The following ARHGAP26 variants were observed in gnomAD, a reference collection of about 807,000 sequenced individuals.
ARHGAP26 encodes Rho GTPase activating protein 26.
A neutral mutation model predicts 104.8 loss-of-function variants in ARHGAP26; 38 were observed. The observed-to-expected ratio is 0.36, with a 90% CI of 0.28 to 0.48. The LOEUF (loss-of-function observed/expected upper bound fraction) is 0.48, where lower values mean the gene tolerates loss of function less well. ARHGAP26 is among the 20% of genes least tolerant of loss of function. The pLI is 0.99. For synonymous variants in ARHGAP26, 341 were observed against 340.0 expected (o/e 1.00, Z -0.03); for missense variants, 704 against 947.9 (o/e 0.74, Z 3.38).
At chr5:142,870,012 G>C (rs1386303634) in intron 1 of ARHGAP26, among the ~76,000 whole-genome samples, 3 of 152,136 alleles carry the variant, frequency 2.0e-5, no homozygotes, top group Non-Finnish European at 2.9e-5. Flanking sequence ...CCAGATGCCG[G>C]CAGTTATGAC....
At chr5:142,980,663 A>G (rs1773815895) in intron 11 of ARHGAP26, among the ~76,000 whole-genome samples, 1 of 152,114 alleles carries the variant, frequency 6.6e-6, no homozygotes, top group African/African-American at 2.4e-5. Context: ...TGCTGGGATT[A>G]CAGGTGTGAG....
At chr5:142,811,444 G>A (rs1462989737) in intron 1 of ARHGAP26, among the ~76,000 whole-genome samples, 1 of 152,138 alleles carries the variant, frequency 6.6e-6, no homozygotes. Context: ...GGCTCTGGAC[G>A]CCGACAGCAT....
intron 10 of ARHGAP26, among the ~76,000 whole-genome samples, chr5:142,917,318 C>T (rs1008448880): frequency 5.3e-5 from 8 of 152,122 alleles, no homozygotes; most frequent in Admixed American, 3.9e-4. Context: ...GGATTACAGG[C>T]GTGAGCCACC....
intron 10 of ARHGAP26, among the ~76,000 whole-genome samples, chr5:142,926,999 C>A (rs1764004783): frequency 6.6e-6 from 1 of 152,120 alleles, no homozygotes; most frequent in South Asian, 2.1e-4. Context: ...AGTAATTGAA[C>A]TGCTCTATGC....
At chr5:143,108,206 T>A (rs1794282058) in intron 17 of ARHGAP26, among the ~76,000 whole-genome samples, 1 of 152,242 alleles carries the variant, frequency 6.6e-6, no homozygotes, top group Admixed American at 6.5e-5. Context: ...AGATTGTTTC[T>A]AACTTTTATG....
At chr5:142,995,536 A>T (rs962006846) in intron 11 of ARHGAP26, among the ~76,000 whole-genome samples, 1 of 152,234 alleles carries the variant, frequency 6.6e-6, no homozygotes, top group Non-Finnish European at 1.5e-5. Flanking sequence ...GGATGTGGAG[A>T]AATAGGAACG....
chr5:142,917,862 C>CT (rs918880977), intron 10 of ARHGAP26, among the ~76,000 whole-genome samples: 49 of 146,532 alleles, frequency 3.3e-4, no homozygotes, highest in South Asian at 8.6e-4. Context: ...AGGTGACACT[C>CT]TTTTTTTTTT....
chr5:142,915,125 G>C (rs1762307844), intron 10 of ARHGAP26, among the ~76,000 whole-genome samples: 1 of 152,080 alleles, frequency 6.6e-6, no homozygotes, highest in African/African-American at 2.4e-5. Context: ...GCTCACTGTG[G>C]CACCTCCATC....
chr5:142,808,702 G>A (rs1419716001), intron 1 of ARHGAP26, among the ~76,000 whole-genome samples: 3 of 152,098 alleles, frequency 2.0e-5, no homozygotes, highest in Non-Finnish European at 4.4e-5. Flanking sequence ...CCAGCTGGTG[G>A]TCGAGCTGCC....
In ARHGAP26 at chr5:142,863,117, T is replaced by C. The variant is rs189138982; in HGVS notation, c.155-10283T>C. 3.6e-3 allele frequency among the ~76,000 whole-genome samples: 543 copies of C among 151,952 alleles called. 2 individuals carry two copies. The highest frequency in any genetic ancestry group is 3.4e-3 in the Middle Eastern group (1 of 294). On this transcript the variant is annotated intron_variant, in intron 1 of 22. Transcript: ENST00000645722. Reference sequence around the variant, plus strand: ...GGTTTTCAAGTGAGGTTTTTTTTTTTTTTTTCTTTTTGAGAAGGAGTCTTG... The same window carrying C: ...GGTTTTCAAGTGAGGTTTTTTTTTTCTTTTTCTTTTTGAGAAGGAGTCTTG...
intron 17 of ARHGAP26, among the ~76,000 whole-genome samples, chr5:143,099,953 T>C (rs1170130552): frequency 6.6e-6 from 1 of 152,176 alleles, no homozygotes; most frequent in Non-Finnish European, 1.5e-5. Flanking sequence ...AAAACATAGC[T>C]GATGCAATAA....
chr5:143,103,839 T>G (rs1793613423), intron 17 of ARHGAP26, among the ~76,000 whole-genome samples: 1 of 152,100 alleles, frequency 6.6e-6, no homozygotes, highest in South Asian at 2.1e-4. Flanking sequence ...AAATACCTAA[T>G]GTAGATGACG....
intron 12 of ARHGAP26, among the ~76,000 whole-genome samples, chr5:143,023,930 C>G (rs543495998): frequency 6.6e-6 from 1 of 152,188 alleles, no homozygotes; most frequent in Non-Finnish European, 1.5e-5. Flanking sequence ...ATGCAGTTTC[C>G]GTGGCCACCA....
At position 142,873,381 on chromosome 5, in the gene ARHGAP26, C is replaced by T. The variant is rs989730276; in HGVS notation, c.155-19C>T. Reference sequence around the variant, plus strand: ...TTAATTTTAGTAATTCCTGATTTTTCCTGTCTTTTTCTTGCTAGATTTGTC... The same window carrying T: ...TTAATTTTAGTAATTCCTGATTTTTTCTGTCTTTTTCTTGCTAGATTTGTC... On this transcript the variant is annotated intron_variant, in intron 1 of 22. Transcript: ENST00000645722. The T allele has an allele frequency of 6.3e-7, 1 of 1,580,826 alleles. No homozygotes were observed. Among genetic ancestry groups the T allele is most frequent in the Non-Finnish European group, 8.6e-7 (1 of 1,164,440 alleles).
chr5:143,075,839 C>CATGT (rs1182471785), intron 17 of ARHGAP26, among the ~76,000 whole-genome samples: 4 of 151,806 alleles, frequency 2.6e-5, no homozygotes, highest in Non-Finnish European at 5.9e-5. Flanking sequence ...GCTGGGACTA[C>CATGT]AGGAGCACGC....
At chr5:142,874,120 C>T (rs1300882474) in intron 2 of ARHGAP26, among the ~76,000 whole-genome samples, 2 of 152,082 alleles carry the variant, frequency 1.3e-5, no homozygotes, top group Non-Finnish European at 2.9e-5. Flanking sequence ...GGGAGGTCCC[C>T]GCCACTCCTG....
intron 16 of ARHGAP26, among the ~76,000 whole-genome samples, chr5:143,056,511 G>A (rs537486638): frequency 1.3e-5 from 2 of 152,058 alleles, no homozygotes; most frequent in East Asian, 3.9e-4. Flanking sequence ...CCCTGAATAT[G>A]ACACCATTTA....
intron 4 of ARHGAP26, among the ~76,000 whole-genome samples, chr5:142,881,141 G>C (rs1756938793): frequency 6.6e-6 from 1 of 152,244 alleles, no homozygotes; most frequent in African/African-American, 2.4e-5. Flanking sequence ...CCTCTTGGTG[G>C]CCTTGGGGCC....
intron 5 of ARHGAP26, among the ~76,000 whole-genome samples, chr5:142,892,756 G>A (rs1313352978): frequency 6.6e-6 from 1 of 152,022 alleles, no homozygotes; most frequent in Non-Finnish European, 1.5e-5. Flanking sequence ...CCTATAATGT[G>A]TAATGATCAA....
Sources: allele counts gnomAD v4.1 joint callset (sites outside exome capture counted in the v4.1 genomes callset), GRCh38; gene constraint gnomAD v4.1.1; transcripts MANE v1.5; gene names NCBI Gene and HGNC (gene_info 2026-07-23, HGNC 2026-07-21).